DYNC2H1: variants seen among roughly 807,000 people sequenced by gnomAD.
The protein encoded by DYNC2H1 is cytoplasmic dynein 2 heavy chain 1.
DYNC2H1 carries 410 observed loss-of-function variants against 570.0 expected under a neutral mutation model. The ratio of observed to expected loss-of-function variants is 0.72; its 90% CI spans 0.66 to 0.78. The LOEUF is 0.78. DYNC2H1 is among the 30% of genes least tolerant of loss of function. The probability of loss-of-function intolerance (pLI) is 0.00; values close to 1 mark genes in which losing one functional copy is unlikely to be tolerated. For synonymous variants in DYNC2H1, 1,688 were observed against 1,677.6 expected, an observed-to-expected ratio of 1.01 and a Z score of -0.15; for missense variants, 4,865 against 5,046.4, an observed-to-expected ratio of 0.96 and a Z score of 1.09.
At chr11:103,247,176 G>T (rs189564437) in intron 65 of DYNC2H1, among the ~76,000 whole-genome samples, 1 of 151,982 alleles carries the variant, frequency 6.6e-6, no homozygotes, top group Admixed American at 6.6e-5. Flanking sequence ...ACAAACAACA[G>T]ACATCAAAAG....
Position 103,369,509 on chromosome 11 carries a change from C to G in DYNC2H1, c.12156+11150C>G, listed in dbSNP as rs956952465. ...AGCTAAGGGAATGCTGGCATCACCCCTCTCCTAACCTCAGGATACACAGCT... is the reference window on the plus strand; with the variant it reads ...AGCTAAGGGAATGCTGGCATCACCCGTCTCCTAACCTCAGGATACACAGCT... On this transcript the variant is annotated intron_variant, in intron 83 of 88. Transcript: ENST00000375735. This position sits in a 1 kb window ranked among gnomAD's most constrained non-coding sequence, Gnocchi z 4.0. Among the ~76,000 whole-genome samples, 1 of 152,202 alleles carries G rather than the reference C, an allele frequency of 6.6e-6. No individual in the cohort carries two copies. The highest frequency in any genetic ancestry group is 2.4e-5 in the African/African-American group (1 of 41,456).
intron 48 of DYNC2H1, 98 bp downstream of exon 48, chr11:103,198,161 G>A: frequency 1.5e-6 from 2 of 1,333,138 alleles, no homozygotes; most frequent in East Asian, 5.1e-5. Context: ...ATGATAGATT[G>A]TAGAATAGGC....
chr11:103,174,706 A>G (rs1183954430), intron 36 of DYNC2H1, among the ~76,000 whole-genome samples: 1 of 152,204 alleles, frequency 6.6e-6, no homozygotes, highest in African/African-American at 2.4e-5. Flanking sequence ...AGAATACCGC[A>G]GAGGTGGAGT....
At position 103,464,439 on chromosome 11, in the gene DYNC2H1, A is replaced by G. The variant is rs1945129160; in HGVS notation, c.12649-4150A>G. Among the ~76,000 whole-genome samples, 7 of 152,216 alleles carry G rather than the reference A, an allele frequency of 4.6e-5. No homozygotes were observed. The South Asian group carries it at 1.4e-3, about 31-fold the overall frequency. ...TATAAAACAGAGAGAATGACAGAGA[A>G]GAGAAATTTGAAAAACTAATTCAGG... On this transcript the variant is annotated intron_variant, in intron 87 of 88. Transcript: ENST00000375735.
chr11:103,324,563 G>T lies in DYNC2H1; in HGVS notation c.12039+573G>T, dbSNP rs1250403609. On this transcript the variant is annotated intron_variant, in intron 82 of 88. Transcript: ENST00000375735. This position sits in a 1 kb window ranked among gnomAD's most constrained non-coding sequence, Gnocchi z 5.2. ...CATGGTCTTGTTCTTTTCTTATGTT[G>T]CATATTCCATGTTGTCTATGTATCA... 1.3e-5 allele frequency among the ~76,000 whole-genome samples: 2 copies of T among 152,046 alleles called. No individual in the cohort carries two copies. The highest frequency in any genetic ancestry group is 2.9e-5 in the Non-Finnish European group (2 of 67,996).
At chr11:103,195,232 G>A (rs1220535355) in intron 47 of DYNC2H1, among the ~76,000 whole-genome samples, 1 of 152,152 alleles carries the variant, frequency 6.6e-6, no homozygotes. Flanking sequence ...CAAGTTTAAG[G>A]AGTCTGTCTA....
chr11:103,135,815 A>G lies in DYNC2H1; in HGVS notation c.2441A>G (p.Lys814Arg), dbSNP rs753471397. ...TTCATCGGCATTCCAAATCAGTTTA[A>G]GGGAGTGGGTGAGGCAGGAGATGAA... ...KRFIGIPNQFKGVGEAGDESI... is the reference protein window; with the variant it reads ...KRFIGIPNQFRGVGEAGDESI... The change falls in exon 17 of 89, where the codon AAG becomes AGG. Residue 814 changes from lysine (K) to arginine (R), a missense_variant. Physicochemically the swap from Lys to Arg is conservative, Grantham distance 26 (BLOSUM62 2). Around this residue, in one of 5 missense-constraint regions of DYNC2H1, gnomAD observed 1,936 missense variants for 1,962.1 expected, o/e 0.99. Transcript: ENST00000375735. The G allele has an allele frequency of 1.9e-6, 3 of 1,613,306 alleles. No homozygotes were observed. Among genetic ancestry groups the G allele is most frequent in the Admixed American group, 3.3e-5 (2 of 59,854 alleles).
Position 103,163,182 on chromosome 11 carries a change from T to C in DYNC2H1, c.4611+35T>C. 2 of 1,576,004 alleles carry C rather than the reference T, an allele frequency of 1.3e-6. No homozygotes were observed. The highest frequency in any genetic ancestry group is 1.4e-5 in the African/African-American group (1 of 73,844). On this transcript the variant is annotated intron_variant, in intron 30 of 88. Coordinates refer to ENST00000375735, the MANE Select transcript of DYNC2H1 (RefSeq NM_001377.3). This position sits in a 1 kb window ranked among gnomAD's most constrained non-coding sequence, Gnocchi z 4.6. Reference sequence around the variant, plus strand: ...CTTACGTGTAGAAGCTACATAGGCATGGAACGTGGAAAGATCCCTGACCTA... The same window carrying C: ...CTTACGTGTAGAAGCTACATAGGCACGGAACGTGGAAAGATCCCTGACCTA...
intron 82 of DYNC2H1, among the ~76,000 whole-genome samples, chr11:103,340,088 T>C (rs1939368259): frequency 6.6e-6 from 1 of 152,244 alleles, no homozygotes; most frequent in African/African-American, 2.4e-5. Context: ...CCTACCCTTT[T>C]AAATGCCTCT....
intron 39 of DYNC2H1, among the ~76,000 whole-genome samples, chr11:103,180,859 T>C (rs11225583): frequency 0.038 from 5,722 of 151,616 alleles, 361 homozygotes; most frequent in African/African-American, 0.13. Flanking sequence ...TTAACCTCTT[T>C]GATATTTCAA....
intron 30 of DYNC2H1, among the ~76,000 whole-genome samples, chr11:103,164,784 C>A (rs1861232469): frequency 6.6e-6 from 1 of 152,160 alleles, no homozygotes. Context: ...GATTTTATAA[C>A]CCAGGACTGT....
chr11:103,292,486 G>A (rs1866656011), intron 75 of DYNC2H1, among the ~76,000 whole-genome samples: 1 of 152,152 alleles, frequency 6.6e-6, no homozygotes, highest in Non-Finnish European at 1.5e-5. Context: ...ATTGTAGTTA[G>A]TATTTTTGAT....
rs573793405 is a variant in DYNC2H1, at chr11:103,479,744, T to G, written c.*491T>G. 6.6e-6 allele frequency: 1 copy of G among 152,004 alleles called. No individual in the cohort carries two copies. Among genetic ancestry groups the G allele is most frequent in the South Asian group, 2.1e-4 (1 of 4,830 alleles). The allele number at this position is 152,004 out of a possible 1,614,324, so 9.4% of individuals were successfully genotyped here. A position where few individuals can be genotyped will look rare whatever the true frequency, so the allele number is the denominator to read the frequency against. ...ATGCTAATTATAATATACAAATATA[T>G]AATTATTGTCATAATTATATACTTA... On this transcript the variant is annotated 3_prime_UTR_variant, in exon 89 of 89. Coordinates refer to ENST00000375735, the MANE Select transcript of DYNC2H1 (RefSeq NM_001377.3).
intron 36 of DYNC2H1, 49 bp downstream of exon 36, chr11:103,174,219 C>A: frequency 1.4e-6 from 2 of 1,427,856 alleles, no homozygotes; most frequent in Non-Finnish European, 1.9e-6. Flanking sequence ...AAAACATAAG[C>A]GTTAATTTAG....
rs943935820 is a variant in DYNC2H1 at position 103,325,582 on chromosome 11, C to T, written c.12039+1592C>T. On this transcript the variant is annotated intron_variant, in intron 82 of 88. Transcript: ENST00000375735. The surrounding 1 kb of genome is among the most constrained non-coding windows in gnomAD (Gnocchi z 4.8). ...TTCTGTTGGTTTATGTGTCTGTTTCCATAGTTCTCTTTGTGGAGATCTTTC... is the reference window on the plus strand; with the variant it reads ...TTCTGTTGGTTTATGTGTCTGTTTCTATAGTTCTCTTTGTGGAGATCTTTC... Among the ~76,000 whole-genome samples, 2 of 152,078 alleles carry T rather than the reference C, an allele frequency of 1.3e-5. No individual in the cohort carries two copies. The highest frequency in any genetic ancestry group is 2.9e-5 in the Non-Finnish European group (2 of 67,996).
chr11:103,119,684 C>T (rs1164824459), intron 6 of DYNC2H1, among the ~76,000 whole-genome samples: 1 of 152,126 alleles, frequency 6.6e-6, no homozygotes, highest in African/African-American at 2.4e-5. Flanking sequence ...CAAAAATGTT[C>T]CAGCCCAGCC....
intron 81 of DYNC2H1, among the ~76,000 whole-genome samples, 195 bp downstream of exon 81, chr11:103,321,432 A>C (rs1938190568): frequency 6.6e-6 from 1 of 152,134 alleles, no homozygotes; most frequent in African/African-American, 2.4e-5. Context: ...ACTTACTGAA[A>C]GTTGGGTGGT....
At chr11:103,147,970 A>G (rs2134852721) in intron 19 of DYNC2H1, 83 bp downstream of exon 19, 1 of 1,040,732 alleles carries the variant, frequency 9.6e-7, no homozygotes, top group Admixed American at 2.9e-5. Context: ...TGTGAATTTC[A>G]ATGATCATTA....
At position 103,439,071 on chromosome 11, in the gene DYNC2H1, A is replaced by G. The variant is rs1258340502; in HGVS notation, c.12456+3039A>G. ...ATATAGAGTGGTAAACAAAATAGAC[A>G]TACATCTTGTTCTCCAGGAACTATC... On this transcript the variant is annotated intron_variant, in intron 85 of 88. Transcript: ENST00000375735. The surrounding 1 kb of genome is among the most constrained non-coding windows in gnomAD (Gnocchi z 4.1). Among the ~76,000 whole-genome samples the G allele has an allele frequency of 1.3e-5, 2 of 152,156 alleles. No individual in the cohort carries two copies. Among genetic ancestry groups the G allele is most frequent in the East Asian group, 1.9e-4 (1 of 5,192 alleles).
Sources: allele counts gnomAD v4.1 joint callset (sites outside exome capture counted in the v4.1 genomes callset), GRCh38; gene constraint gnomAD v4.1.1; regional missense constraint gnomAD v4.1.1; non-coding constraint Gnocchi (gnomAD v3.1); transcripts MANE v1.5; gene names NCBI Gene and HGNC (gene_info 2026-07-23, HGNC 2026-07-21).